MTRF1: variants seen among roughly 807,000 people sequenced by gnomAD.
MTRF1 encodes the protein peptide chain release factor 1, mitochondrial.
In MTRF1, 51 loss-of-function variants were observed where a neutral mutation model predicts 62.9. The ratio of observed to expected loss-of-function variants is 0.81; its 90% CI spans 0.65 to 1.02. The LOEUF is 1.02. MTRF1 is among the 50% of genes least tolerant of loss of function. The probability of loss-of-function intolerance (pLI) is 0.00; values close to 1 mark genes in which losing one functional copy is unlikely to be tolerated. For synonymous variants in MTRF1, 158 were observed against 181.9 expected, an observed-to-expected ratio of 0.87 and a Z score of 1.06; for missense variants, 446 against 530.0, an observed-to-expected ratio of 0.84 and a Z score of 1.56.
At position 41,226,524 on chromosome 13, in the gene MTRF1, T is replaced by G. The variant is rs774219610; in HGVS notation, c.1033A>C (p.Lys345Gln). Residue 345 changes from lysine to glutamine, a missense_variant, in exon 8 of 10, where the codon AAA becomes CAA. Transcript: ENST00000379480. ...CTCAACACACGAAAGGCTATTTCTTTATTTTTTATCTGTGATCTTTCTTGT... is the reference window on the plus strand; with the variant it reads ...CTCAACACACGAAAGGCTATTTCTTGATTTTTTATCTGTGATCTTTCTTGT... ...CQQERSQIKN[K>Q]EIAFRVLRAR... The G allele has an allele frequency of 1.2e-6, 2 of 1,614,032 alleles. No homozygotes were observed. Among genetic ancestry groups the G allele is most frequent in the Non-Finnish European group, 8.5e-7 (1 of 1,179,974 alleles).
chr13:41,298,396 T>TCTTTTTTC, the MTRF1 span, among the ~76,000 whole-genome samples: 1 of 150,520 alleles, frequency 6.6e-6, no homozygotes, highest in African/African-American at 2.4e-5. Flanking sequence ...ATTACGAAGT[T>TCTTTTTTC]ACACTCTCAT....
the MTRF1 span, among the ~76,000 whole-genome samples, chr13:41,310,434 G>T: frequency 0.053 from 8,025 of 152,302 alleles, 281 homozygotes; most frequent in Non-Finnish European, 0.074. Context: ...ACTTTCGGAG[G>T]TTGACGCGGG....
the MTRF1 span, among the ~76,000 whole-genome samples, chr13:41,304,605 A>G: frequency 6.6e-6 from 1 of 152,262 alleles, no homozygotes. Context: ...AAAGGAAGGT[A>G]CATGCCAGAG....
chr13:41,254,288 A>C (rs1323869336), intron 3 of MTRF1, among the ~76,000 whole-genome samples: 1 of 152,142 alleles, frequency 6.6e-6, no homozygotes, highest in East Asian at 1.9e-4. Flanking sequence ...CTCTTGCTTA[A>C]CAAGTTAACA....
At chr13:41,273,846 C>CA in the MTRF1 span, among the ~76,000 whole-genome samples, 28 of 151,734 alleles carry the variant, frequency 1.8e-4, no homozygotes, top group East Asian at 2.3e-3. Context: ...TCAACAACAA[C>CA]AAAAAAAATG....
intron 2 of MTRF1, among the ~76,000 whole-genome samples, chr13:41,259,229 TA>T (rs1178138631): frequency 6.6e-6 from 1 of 152,172 alleles, no homozygotes; most frequent in African/African-American, 2.4e-5. Context: ...AGGTTAAACA[TA>T]GAGTTACCAC....
chr13:41,233,154 T>C (rs766395129), intron 7 of MTRF1, among the ~76,000 whole-genome samples: 8 of 152,200 alleles, frequency 5.3e-5, no homozygotes, highest in African/African-American at 1.7e-4. Context: ...TATTTGCCTA[T>C]TATTTAGAAA....
At chr13:41,307,416 G>A in the MTRF1 span, among the ~76,000 whole-genome samples, 1 of 152,122 alleles carries the variant, frequency 6.6e-6, no homozygotes, top group Admixed American at 6.5e-5. Flanking sequence ...ACAAGGTCAA[G>A]AGTTCAAAAC....
At chr13:41,246,850 A>G (rs188408501) in intron 5 of MTRF1, among the ~76,000 whole-genome samples, 148 of 152,366 alleles carry the variant, frequency 9.7e-4, no homozygotes, top group African/African-American at 3.5e-3. Flanking sequence ...TATTTGGCAT[A>G]GATTAAAACA....
chr13:41,311,333 C>T, the MTRF1 span: 2 of 598,956 alleles, frequency 3.3e-6, no homozygotes, highest in Non-Finnish European at 5.9e-6. Context: ...GCGTGTCCTG[C>T]TCAGACCGCC....
At chr13:41,217,440 G>A (rs936730848) in intron 9 of MTRF1, among the ~76,000 whole-genome samples, 5 of 152,138 alleles carry the variant, frequency 3.3e-5, no homozygotes, top group African/African-American at 1.2e-4. Flanking sequence ...TAAATCTTCT[G>A]AGATTTGGAT....
chr13:41,311,510 AG>A, the MTRF1 span: 1 of 1,591,390 alleles, frequency 6.3e-7, no homozygotes, highest in Non-Finnish European at 8.5e-7. Flanking sequence ...CCGGCCACCT[AG>A]CCTCCCTGCC....
intron 6 of MTRF1, among the ~76,000 whole-genome samples, chr13:41,239,990 G>C (rs1287511077): frequency 6.6e-6 from 1 of 152,034 alleles, no homozygotes; most frequent in South Asian, 2.1e-4. Context: ...GTGAAAACCT[G>C]TCTCTACTAA....
chr13:41,254,508 A>C, intron 3 of MTRF1, 21 bp downstream of exon 3: 2 of 1,575,432 alleles, frequency 1.3e-6, no homozygotes, highest in South Asian at 1.1e-5. Context: ...TATTGAAACT[A>C]GTCGACCTCT....
intron 2 of MTRF1, 64 bp from the exon 3 acceptor site, chr13:41,254,684 G>T: frequency 8.3e-7 from 1 of 1,202,298 alleles, no homozygotes; most frequent in Non-Finnish European, 1.2e-6. Context: ...CTCCTAAGTA[G>T]CCATGTTCCT....
At chr13:41,281,384 T>G in the MTRF1 span, among the ~76,000 whole-genome samples, 1 of 152,138 alleles carries the variant, frequency 6.6e-6, no homozygotes, top group Admixed American at 6.5e-5. Flanking sequence ...TTTTTGTTTT[T>G]TTTTTTAAAT....
chr13:41,300,169 A>G, the MTRF1 span, among the ~76,000 whole-genome samples: 1 of 152,232 alleles, frequency 6.6e-6, no homozygotes, highest in East Asian at 1.9e-4. Flanking sequence ...TGCAGAAAAT[A>G]TGATTAAGCA....
intron 5 of MTRF1, among the ~76,000 whole-genome samples, chr13:41,247,948 T>C (rs1427252658): frequency 6.6e-6 from 1 of 152,206 alleles, no homozygotes; most frequent in African/African-American, 2.4e-5. Flanking sequence ...AGTGACATTT[T>C]TGAATGTCCT....
the MTRF1 span, chr13:41,311,672 A>T: frequency 8.2e-7 from 1 of 1,214,598 alleles, no homozygotes; most frequent in East Asian, 2.7e-5. Flanking sequence ...GGCGCGGGCC[A>T]GGCTTGGCCT....
Sources: allele counts gnomAD v4.1 joint callset (sites outside exome capture counted in the v4.1 genomes callset), GRCh38; gene constraint gnomAD v4.1.1; transcripts MANE v1.5; gene names NCBI Gene and HGNC (gene_info 2026-07-23, HGNC 2026-07-21).